The following L3HYPDH variants were observed in gnomAD, a reference collection of about 807,000 sequenced individuals.
L3HYPDH encodes the protein trans-3-hydroxy-L-proline dehydratase.
L3HYPDH carries 32 observed loss-of-function variants against 26.5 expected under a neutral mutation model. That is an observed-to-expected ratio of 1.21 (90% CI 0.91 to 1.62). The LOEUF is 1.62. Ranked by LOEUF, L3HYPDH falls within the 40% of genes most tolerant of loss-of-function variation. L3HYPDH has a pLI of 0.00. For missense variants in L3HYPDH, 554 were observed against 476.4 expected (o/e 1.16, Z -1.52); for synonymous variants, 215 against 196.6 (o/e 1.09, Z -0.78).
At chr14:59,502,750 A>ATTTTTGTTTTTTTTTTTTTGTTTTTGT in the L3HYPDH span, among the ~76,000 whole-genome samples, 1 of 4,908 alleles carries the variant, frequency 2.0e-4, no homozygotes, top group African/African-American at 3.5e-4. Context: ...ATAAAATGAG[A>ATTTTTGTTTTTTTTTTTTTGTTTTTGT]TTTTTTTTTT....
chr14:59,499,017 T>A, the L3HYPDH span: 1 of 73,144 alleles, frequency 1.4e-5, no homozygotes, highest in Non-Finnish European at 2.3e-5. Flanking sequence ...GTTTAATCCT[T>A]TTTTTTTTTT....
At chr14:59,496,601 C>T in the L3HYPDH span, among the ~76,000 whole-genome samples, 1 of 152,164 alleles carries the variant, frequency 6.6e-6, no homozygotes, top group Non-Finnish European at 1.5e-5. Flanking sequence ...TACCAACCCT[C>T]ATCTGCACCT....
At chr14:59,485,907 C>T (rs1171461238), upstream of L3HYPDH, 1 of 152,204 alleles carries the variant, frequency 6.6e-6, no homozygotes, top group East Asian at 1.9e-4. Flanking sequence ...TGAGCCACCT[C>T]ACCGAGCCTG....
intron 2 of L3HYPDH, among the ~76,000 whole-genome samples, 156 bp from the exon 3 acceptor site, chr14:59,476,370 T>C (rs1889631811): frequency 6.6e-6 from 1 of 152,262 alleles, no homozygotes. Context: ...AAATTATGTC[T>C]TTGTCTAGAT....
chr14:59,474,578 A>G (rs1889499344), intron 4 of L3HYPDH: 1 of 698,064 alleles, frequency 1.4e-6, no homozygotes. Context: ...GCAATATAAT[A>G]TAATGCTTAA....
downstream of L3HYPDH, among the ~76,000 whole-genome samples, chr14:59,468,184 T>C (rs537083888): frequency 1.5e-4 from 23 of 152,342 alleles, no homozygotes; most frequent in African/African-American, 5.5e-4. Flanking sequence ...GCCCAGTAGT[T>C]ACAGGCCAGC....
the L3HYPDH span, among the ~76,000 whole-genome samples, chr14:59,495,955 G>A: frequency 6.6e-6 from 1 of 152,234 alleles, no homozygotes; most frequent in East Asian, 1.9e-4. Flanking sequence ...AGGCTGGAGT[G>A]CAGTGGCACG....
the L3HYPDH span, among the ~76,000 whole-genome samples, chr14:59,499,256 G>A: frequency 6.6e-6 from 1 of 151,568 alleles, no homozygotes; most frequent in Admixed American, 6.6e-5. Flanking sequence ...TCGATCTCCT[G>A]ACCTCATGAT....
chr14:59,487,410 G>T, upstream of L3HYPDH: 1 of 283,124 alleles, frequency 3.5e-6, no homozygotes, highest in Non-Finnish European at 6.6e-6. Flanking sequence ...CTTATATAAT[G>T]TTAATAACTA....
chr14:59,479,166 G>T lies in L3HYPDH; in HGVS notation c.678+16C>A. The T allele has an allele frequency of 6.4e-7, 1 of 1,562,996 alleles. No homozygotes were observed. Among genetic ancestry groups the T allele is most frequent in the Non-Finnish European group, 8.6e-7 (1 of 1,157,956 alleles). On this transcript the variant is annotated intron_variant, in intron 2 of 4. Coordinates refer to ENST00000247194, the MANE Select transcript of L3HYPDH (RefSeq NM_144581.2). ...ACAGAGAAGGGAATTGGTTATGAAGGCAGAGTATTACTGACCTGAGCTTTC... is the reference window on the plus strand; with the variant it reads ...ACAGAGAAGGGAATTGGTTATGAAGTCAGAGTATTACTGACCTGAGCTTTC...
chr14:59,499,772 A>G, the L3HYPDH span, among the ~76,000 whole-genome samples: 4 of 152,302 alleles, frequency 2.6e-5, no homozygotes, highest in South Asian at 8.3e-4. Context: ...CAAGGGAACC[A>G]GAAATTCTGT....
chr14:59,475,993 G>C lies in L3HYPDH; in HGVS notation c.815C>G (p.Pro272Arg). ...TCGGGCTGTCACTCCTGAGCCAGTG[G>C]GACTTCTGTCAACCTGTTTCAGAAT... ...VFADEQVDRS[P>R]TGSGVTARIA... is the part of the protein sequence containing the mutation. Residue 272 changes from proline to arginine, a missense_variant, in exon 4 of 5, where the codon CCC (proline) becomes CGC (arginine). Coordinates refer to ENST00000247194, the MANE Select transcript of L3HYPDH (RefSeq NM_144581.2). The C allele has an allele frequency of 1.2e-6, 2 of 1,613,886 alleles. No individual in the cohort carries two copies. Among genetic ancestry groups the C allele is most frequent in the South Asian group, 2.2e-5 (2 of 91,058 alleles).
chr14:59,483,617 G>C, intron 1 of L3HYPDH, 192 bp downstream of exon 1: 2 of 1,434,978 alleles, frequency 1.4e-6, no homozygotes, highest in Non-Finnish European at 1.8e-6. Context: ...TGGGAGTCAG[G>C]GAAAATCGAA....
intron 1 of L3HYPDH, among the ~76,000 whole-genome samples, chr14:59,467,296 G>C (rs1266672990): frequency 6.6e-6 from 1 of 152,184 alleles, no homozygotes; most frequent in Admixed American, 6.5e-5. Context: ...CTGAATTCTA[G>C]GATATTGGAG....
At chr14:59,477,434 C>T (rs1889714995) in intron 2 of L3HYPDH, among the ~76,000 whole-genome samples, 1 of 152,224 alleles carries the variant, frequency 6.6e-6, no homozygotes, top group Non-Finnish European at 1.5e-5. Flanking sequence ...ACATCAATAA[C>T]AGAACTTGTC....
the L3HYPDH span, among the ~76,000 whole-genome samples, chr14:59,494,124 G>GTGTGTGTA: frequency 7.2e-6 from 1 of 139,434 alleles, no homozygotes; most frequent in Non-Finnish European, 1.7e-5. Flanking sequence ...AAATTTGGGT[G>GTGTGTGTA]TGTGTGTGTG....
At chr14:59,479,541 A>G (rs919967898) in intron 1 of L3HYPDH, among the ~76,000 whole-genome samples, 190 bp from the exon 2 acceptor site, 1 of 152,228 alleles carries the variant, frequency 6.6e-6, no homozygotes, top group Non-Finnish European at 1.5e-5. Flanking sequence ...GCATCATTCT[A>G]TTTTTAACTT....
the L3HYPDH span, among the ~76,000 whole-genome samples, chr14:59,502,790 C>T: frequency 0.047 from 46 of 988 alleles, no homozygotes; most frequent in East Asian, 0.1. Flanking sequence ...CTCACTCTGT[C>T]GCTTAGGCAT....
At chr14:59,504,265 C>G in the L3HYPDH span, 13 of 586,714 alleles carry the variant, frequency 2.2e-5, no homozygotes, top group South Asian at 2.8e-4. Flanking sequence ...CTGTAATACT[C>G]TGTTACACAG....
Sources: gnomAD v4.1 joint callset for allele counts (sites outside exome capture counted in the v4.1 genomes callset) on GRCh38, gnomAD v4.1.1 for gene constraint, MANE v1.5 for transcripts, NCBI Gene and HGNC (gene_info 2026-07-23, HGNC 2026-07-21) for gene names.